The following PLEKHG4B variants were observed in gnomAD, a reference collection of about 807,000 sequenced individuals.
PLEKHG4B encodes pleckstrin homology and RhoGEF domain containing G4B.
Under a neutral mutation model 121.3 loss-of-function variants are expected in PLEKHG4B, and 111 were observed. That is an observed-to-expected ratio of 0.92 (90% CI 0.78 to 1.07). The LOEUF (loss-of-function observed/expected upper bound fraction) is 1.07, where lower values mean the gene tolerates loss of function less well. Ranked by LOEUF, PLEKHG4B falls within the 50% of genes least tolerant of loss-of-function variation. The pLI, the probability that PLEKHG4B is intolerant of heterozygous loss-of-function variation, is 0.00. For missense variants in PLEKHG4B, 1,831 were observed against 1,757.8 expected, an observed-to-expected ratio of 1.04 and a Z score of -0.74; for synonymous variants, 738 against 725.0, an observed-to-expected ratio of 1.02 and a Z score of -0.29.
rs140798240 is a variant in PLEKHG4B, at chr5:172,847, A to G, written c.4051-50A>G. 846 of 1,604,500 alleles carry G rather than the reference A, an allele frequency of 5.3e-4. 4 individuals are homozygous for G. In the African/African-American group the frequency reaches 9.7e-3, roughly 18 times the overall value. On this transcript the variant is annotated intron_variant, in intron 16 of 19. Transcript: ENST00000637938. ...GACGGAGACAGTGACCTGTGCCACC[A>G]CAGACGCCGGATTTTCTTGGATGAA...
chr5:151,285 AAG>A (rs1396891351), intron 6 of PLEKHG4B, among the ~76,000 whole-genome samples: 2 of 152,186 alleles, frequency 1.3e-5, no homozygotes. Flanking sequence ...ATTCACTAAA[AAG>A]GGTGAATTTT....
rs1735091089 is a variant in PLEKHG4B, at chr5:139,677, G to T, written c.438G>T (p.Glu146Asp). Residue 146 changes from glutamate to aspartate, a missense_variant, in exon 3 of 20, where the codon GAG becomes GAT. Transcript: ENST00000637938. This position sits in a 1 kb window ranked among gnomAD's most constrained non-coding sequence, Gnocchi z 5.0. The stretch of plus-strand genomic sequence containing the variant: ...TGTCCCGGCTGGGAAGAGGCACAGA[G>T]GAAGTCACCGTCCCTGAGGCCATGT... ...KCLSRLGRGT[E>D]EVTVPEAMYG... is the part of the protein sequence containing the mutation. The T allele has an allele frequency of 2.5e-6, 1 of 398,784 alleles. No individual in the cohort carries two copies. Among genetic ancestry groups the T allele is most frequent in the African/African-American group, 2.1e-5 (1 of 48,606 alleles). 24.7% of individuals were successfully genotyped at this position (398,784 alleles called of 1,614,324 possible).
chr5:133,410 T>A (rs1387637594), intron 2 of PLEKHG4B, among the ~76,000 whole-genome samples: 2 of 151,902 alleles, frequency 1.3e-5, no homozygotes, highest in Non-Finnish European at 2.9e-5. Flanking sequence ...ATATCCAGAA[T>A]CTACAAGAAA....
chr5:140,765 C>G, intron 3 of PLEKHG4B, 49 bp downstream of exon 3: 1 of 1,439,660 alleles, frequency 6.9e-7, no homozygotes, highest in Non-Finnish European at 9.1e-7. Flanking sequence ...ACCTCCCCTA[C>G]ACATCCCACA....
intron 1 of PLEKHG4B, among the ~76,000 whole-genome samples, chr5:94,564 A>AG (rs1289439812): frequency 1.4e-5 from 2 of 144,494 alleles, no homozygotes. Context: ...GGGAGAGTGA[A>AG]GAGGGGTAGG....
Position 130,362 on chromosome 5 carries a change from A to G in PLEKHG4B, c.244-9121A>G, listed in dbSNP as rs1734743606. On this transcript the variant is annotated intron_variant, in intron 2 of 19. Coordinates refer to ENST00000637938, the MANE Select transcript of PLEKHG4B (RefSeq NM_052909.5). Reference sequence around the variant, plus strand: ...TTACAATTTAGCATTTAAAAAATACATAAGGAAATGTTAATAACTAATATT... The same window carrying G: ...TTACAATTTAGCATTTAAAAAATACGTAAGGAAATGTTAATAACTAATATT... 2.0e-5 allele frequency among the ~76,000 whole-genome samples: 3 copies of G among 152,246 alleles called. No homozygotes were observed. The South Asian group carries it at 6.2e-4, about 31-fold the overall frequency.
intron 7 of PLEKHG4B, 102 bp downstream of exon 7, chr5:151,701 G>A: frequency 4.1e-6 from 3 of 730,688 alleles, no homozygotes; most frequent in Admixed American, 3.3e-5. Flanking sequence ...AGTTCTAATT[G>A]CATCCATGTG....
intron 14 of PLEKHG4B, 42 bp from the exon 15 acceptor site, chr5:171,001 C>T (rs769607344): frequency 1.3e-6 from 2 of 1,525,844 alleles, no homozygotes. Context: ...TGTCTCTGGG[C>T]CTGTCACTCC....
At chr5:177,931 T>A (rs1736811427) in intron 18 of PLEKHG4B, among the ~76,000 whole-genome samples, 1 of 151,794 alleles carries the variant, frequency 6.6e-6, no homozygotes, top group Admixed American at 6.6e-5. Flanking sequence ...CTTAGGAAAT[T>A]GTATGCATCC....
At chr5:105,771 C>CT (rs1034694653) in intron 1 of PLEKHG4B, among the ~76,000 whole-genome samples, 1 of 151,772 alleles carries the variant, frequency 6.6e-6, no homozygotes, top group Non-Finnish European at 1.5e-5. Flanking sequence ...ATTTTGAGGA[C>CT]TTTTTTTTTC....
At chr5:99,110 C>T (rs1430246845) in intron 1 of PLEKHG4B, among the ~76,000 whole-genome samples, 16 of 141,728 alleles carry the variant, frequency 1.1e-4, no homozygotes, top group Non-Finnish European at 1.8e-4. Context: ...GAGCCGAGAT[C>T]GCGCCATTGC....
intron 6 of PLEKHG4B, among the ~76,000 whole-genome samples, chr5:147,475 G>A (rs915883086): frequency 2.0e-5 from 3 of 152,196 alleles, no homozygotes; most frequent in Admixed American, 2.0e-4. Flanking sequence ...GGCACAAGAG[G>A]AATCTGGAAG....
rs997689415 is a variant in PLEKHG4B, at chr5:159,416, T to G, written c.2488-2367T>G. Among the ~76,000 whole-genome samples the G allele has an allele frequency of 1.7e-4, 26 of 152,212 alleles. No homozygotes were observed. The highest frequency in any genetic ancestry group is 1.4e-3 in the Admixed American group (22 of 15,292). On this transcript the variant is annotated intron_variant, in intron 11 of 19. Transcript: ENST00000637938. This position sits in a 1 kb window ranked among gnomAD's most constrained non-coding sequence, Gnocchi z 5.5. The stretch of plus-strand genomic sequence containing the variant: ...CCACAGCTCCACACTTCCATCTGGT[T>G]CTGGAGTTTTCTGTCCTGTTGCCTT...
intron 6 of PLEKHG4B, among the ~76,000 whole-genome samples, chr5:146,887 C>T (rs549609488): frequency 1.7e-3 from 257 of 151,894 alleles, no homozygotes; most frequent in African/African-American, 6.0e-3. Context: ...CCTGTGGTTT[C>T]TTCTTACTTT....
At chr5:102,127 A>G (rs1210722600) in intron 1 of PLEKHG4B, among the ~76,000 whole-genome samples, 1 of 151,154 alleles carries the variant, frequency 6.6e-6, no homozygotes, top group African/African-American at 2.5e-5. Flanking sequence ...GTTAATCCAT[A>G]TAAAGCCCTG....
chr5:141,939 C>G (rs976009367), intron 3 of PLEKHG4B, among the ~76,000 whole-genome samples: 2 of 152,164 alleles, frequency 1.3e-5, no homozygotes, highest in African/African-American at 2.4e-5. Flanking sequence ...CTGGCCTGAC[C>G]AGGGGCTCGG....
At chr5:179,667 CT>C (rs1335163532) in intron 18 of PLEKHG4B, 1 of 152,710 alleles carries the variant, frequency 6.5e-6, no homozygotes, top group Non-Finnish European at 1.5e-5. Flanking sequence ...TGGTCCTTGC[CT>C]GTGTCCGAGC....
Position 140,428 on chromosome 5 carries a change from A to C in PLEKHG4B, c.1189A>C (p.Thr397Pro), listed in dbSNP as rs1199510131. The C allele has an allele frequency of 3.2e-6, 5 of 1,564,632 alleles. No homozygotes were observed. The Admixed American group carries it at 9.4e-5, about 30-fold the overall frequency. The change falls in exon 3 of 20, where the codon ACC becomes CCC. Residue 397 changes from threonine to proline, a missense_variant. Physicochemically the swap from Thr to Pro is conservative, Grantham distance 38. Transcript: ENST00000637938. ...DLGTGAVASG[T>P]QEETSGPRGD... ...GGGGACTGGGGCAGTAGCCAGTGGGACCCAGGAGGAAACCTCTGGCCCCCG... is the reference window on the plus strand; with the variant it reads ...GGGGACTGGGGCAGTAGCCAGTGGGCCCCAGGAGGAAACCTCTGGCCCCCG...
chr5:154,902 G>A lies in PLEKHG4B; in HGVS notation c.2020G>A (p.Val674Met), dbSNP rs775186820. 8.1e-6 allele frequency: 13 copies of A among 1,613,866 alleles called. No individual in the cohort carries two copies. Among genetic ancestry groups the A allele is most frequent in the South Asian group, 5.5e-5 (5 of 91,072 alleles). The change falls in exon 8 of 20, where the codon GTG (valine) becomes ATG (methionine). Residue 674 changes from valine to methionine, a missense_variant. Physicochemically the swap from Val to Met is conservative, Grantham distance 21 (BLOSUM62 1). Coordinates refer to ENST00000637938, the MANE Select transcript of PLEKHG4B (RefSeq NM_052909.5). ...TGAGGTCGTGAGCTCCCTGAAGGCC[G>A]TGCACAAATTTGTTGACAGCTGCCA... is the stretch of plus-strand genomic sequence containing the variant. ...QCEVVSSLKA[V>M]HKFVDSCQLT...
Sources: allele counts gnomAD v4.1 joint callset (sites outside exome capture counted in the v4.1 genomes callset), GRCh38; gene constraint gnomAD v4.1.1; non-coding constraint Gnocchi (gnomAD v3.1); transcripts MANE v1.5; gene names NCBI Gene and HGNC (gene_info 2026-07-23, HGNC 2026-07-21).